Variants in TRPC4AP observed in about 807,000 individuals in gnomAD.
TRPC4AP encodes the protein transient receptor potential cation channel subfamily C member 4 associated protein, also known as short transient receptor potential channel 4-associated protein.
Under a neutral mutation model 99.0 loss-of-function variants are expected in TRPC4AP, and 45 were observed. The observed-to-expected ratio is 0.45, with a 90% CI of 0.36 to 0.58. TRPC4AP has a LOEUF of 0.58. TRPC4AP is among the 20% of genes least tolerant of loss of function. The pLI is 0.00. For missense variants in TRPC4AP, 879 were observed against 985.3 expected, an observed-to-expected ratio of 0.89 and a Z score of 1.44; for synonymous variants, 408 against 385.8, an observed-to-expected ratio of 1.06 and a Z score of -0.67.
intron 7 of TRPC4AP, among the ~76,000 whole-genome samples, chr20:35,036,667 C>T (rs1263972186): frequency 6.6e-6 from 1 of 152,128 alleles, no homozygotes; most frequent in East Asian, 1.9e-4. Flanking sequence ...GACAAGCTGG[C>T]CAGGCACGGT....
intron 1 of TRPC4AP, among the ~76,000 whole-genome samples, chr20:35,090,108 A>G (rs1203317608): frequency 1.3e-5 from 2 of 151,976 alleles, no homozygotes; most frequent in African/African-American, 4.8e-5. Flanking sequence ...TCTCAAAAAA[A>G]AAAAAGGGTA....
At chr20:35,064,346 A>C (rs964326369) in intron 3 of TRPC4AP, among the ~76,000 whole-genome samples, 1 of 152,268 alleles carries the variant, frequency 6.6e-6, no homozygotes, top group African/African-American at 2.4e-5. Context: ...AAAAGCCAGC[A>C]GGCAAATCTT....
At chr20:35,010,876 G>A (rs1266003937) in intron 11 of TRPC4AP, among the ~76,000 whole-genome samples, 1 of 152,196 alleles carries the variant, frequency 6.6e-6, no homozygotes, top group Non-Finnish European at 1.5e-5. Context: ...CACTTCCACA[G>A]CTTCCCACTG....
At chr20:35,049,256 GTT>G (rs78434747) in intron 6 of TRPC4AP, among the ~76,000 whole-genome samples, 2 of 139,986 alleles carry the variant, frequency 1.4e-5, no homozygotes, top group Non-Finnish European at 3.1e-5. Flanking sequence ...GATCATAGCT[GTT>G]TTTTTTTTTT....
intron 6 of TRPC4AP, among the ~76,000 whole-genome samples, chr20:35,048,713 T>A (rs2083619508): frequency 6.6e-6 from 1 of 151,520 alleles, no homozygotes; most frequent in African/African-American, 2.4e-5. Context: ...TGAGAGGGAG[T>A]GAGAGGCAAG....
At chr20:35,009,157 C>T (rs1013497849) in intron 12 of TRPC4AP, among the ~76,000 whole-genome samples, 17 of 152,194 alleles carry the variant, frequency 1.1e-4, no homozygotes, top group Non-Finnish European at 1.8e-4. Flanking sequence ...GTGTCCACAA[C>T]TCCAAGCCTC....
intron 12 of TRPC4AP, among the ~76,000 whole-genome samples, chr20:35,009,212 T>C (rs1165876824): frequency 2.0e-5 from 3 of 152,132 alleles, no homozygotes; most frequent in Admixed American, 2.0e-4. Context: ...AGGAAATGAC[T>C]CTGGCCCCGT....
intron 1 of TRPC4AP, 96 bp downstream of exon 1, chr20:35,092,518 C>A: frequency 1.5e-6 from 2 of 1,356,342 alleles, no homozygotes; most frequent in Non-Finnish European, 1.9e-6. Context: ...AGGGCTTTGG[C>A]CCGTCCAGCG....
At position 35,010,575 on chromosome 20, in the gene TRPC4AP, A is replaced by T. The variant is rs1234922109; in HGVS notation, c.1410-287T>A. Reference sequence around the variant, plus strand: ...CAGCTCTGGGCCTTTCTCTTTGCCTACATTTCCACTTGTTTTCTCAAAGGC... The same window carrying T: ...CAGCTCTGGGCCTTTCTCTTTGCCTTCATTTCCACTTGTTTTCTCAAAGGC... On this transcript the variant is annotated intron_variant, in intron 11 of 18. Coordinates refer to ENST00000252015, the MANE Select transcript of TRPC4AP (RefSeq NM_015638.3). Among the ~76,000 whole-genome samples, 3 of 151,338 alleles carry T rather than the reference A, an allele frequency of 2.0e-5. No individual in the cohort carries two copies. In the East Asian group the frequency reaches 5.8e-4, roughly 29 times the overall value.
At position 35,054,992 on chromosome 20, in the gene TRPC4AP, T is replaced by C; in HGVS notation, c.512A>G (p.Tyr171Cys). 1 of 1,613,866 alleles carries C rather than the reference T, an allele frequency of 6.2e-7. No individual in the cohort carries two copies. The highest frequency in any genetic ancestry group is 2.2e-5 in the East Asian group (1 of 44,874). Residue 171 changes from tyrosine (Y) to cysteine (C), a missense_variant, in exon 5 of 19, where the codon TAT (tyrosine) becomes TGT (cysteine). This residue lies in a region of TRPC4AP where 603 missense variants were observed against 631.8 expected (regional missense o/e 0.95). Transcript: ENST00000252015. ...EMSKDCLSIL[Y>C]NTCVCTEGVT... Reference sequence around the variant, plus strand: ...GGTACTTACACAGACACAGGTATTATACAGGATACTCAAGCAGTCCTTGGA... The same window carrying C: ...GGTACTTACACAGACACAGGTATTACACAGGATACTCAAGCAGTCCTTGGA...
chr20:35,083,454 A>T (rs2084704383), intron 1 of TRPC4AP, among the ~76,000 whole-genome samples: 1 of 151,510 alleles, frequency 6.6e-6, no homozygotes, highest in African/African-American at 2.4e-5. Flanking sequence ...ACCAAAAAAA[A>T]AAAAATTAGC....
chr20:35,007,720 G>T, intron 13 of TRPC4AP, 80 bp from the exon 14 acceptor site: 1 of 1,434,922 alleles, frequency 7.0e-7, no homozygotes, highest in Non-Finnish European at 9.8e-7. Flanking sequence ...GTTGGGAGAT[G>T]TTTGTTGCCT....
intron 3 of TRPC4AP, among the ~76,000 whole-genome samples, chr20:35,063,310 G>A (rs1220748491): frequency 6.6e-6 from 1 of 152,112 alleles, no homozygotes; most frequent in Admixed American, 6.5e-5. Flanking sequence ...CCAGTCTCAG[G>A]TATTTCTTCA....
At chr20:35,078,307 G>C in intron 1 of TRPC4AP, 133 bp from the exon 2 acceptor site, 1 of 883,574 alleles carries the variant, frequency 1.1e-6, no homozygotes, top group Non-Finnish European at 1.7e-6. Context: ...ACTATAAAAA[G>C]CCTCTTTCTA....
At chr20:35,058,585 TA>T (rs1396049192) in intron 3 of TRPC4AP, among the ~76,000 whole-genome samples, 1 of 151,296 alleles carries the variant, frequency 6.6e-6, no homozygotes, top group African/African-American at 2.4e-5. Context: ...AGGGGAAGTA[TA>T]AAGTATCCAA....
intron 11 of TRPC4AP, among the ~76,000 whole-genome samples, chr20:35,012,565 G>A (rs909594078): frequency 3.3e-5 from 5 of 152,170 alleles, no homozygotes; most frequent in Non-Finnish European, 5.9e-5. Flanking sequence ...ATAAATGAGC[G>A]CAGAATGTCT....
At chr20:35,092,578 C>T in intron 1 of TRPC4AP, 36 bp downstream of exon 1, 3 of 695,452 alleles carry the variant, frequency 4.3e-6, no homozygotes, top group Non-Finnish European at 6.3e-6. Context: ...CCCGCCTGGT[C>T]CGCCCCGCCC....
Position 35,002,886 on chromosome 20 carries a change from G to A in TRPC4AP, c.*260C>T. Reference sequence around the variant, plus strand: ...GCTAAATGTCCTCTTACCTCTGGGTGGCCCTGGGCCCCAGGGTTCTGAAGG... The same window carrying A: ...GCTAAATGTCCTCTTACCTCTGGGTAGCCCTGGGCCCCAGGGTTCTGAAGG... On this transcript the variant is annotated 3_prime_UTR_variant, in exon 19 of 19. Transcript: ENST00000252015. The A allele has an allele frequency of 2.3e-6, 1 of 436,418 alleles. No homozygotes were observed. The allele number at this position is 436,418 out of a possible 1,614,324, so 27.0% of individuals were successfully genotyped here.
At chr20:35,043,248 T>C (rs1178813447) in intron 7 of TRPC4AP, among the ~76,000 whole-genome samples, 1 of 126,992 alleles carries the variant, frequency 7.9e-6, no homozygotes, top group Admixed American at 7.8e-5. Context: ...CAATGAATAA[T>C]TTTTTTTTTT....
Sources: allele counts gnomAD v4.1 joint callset (sites outside exome capture counted in the v4.1 genomes callset), GRCh38; gene constraint gnomAD v4.1.1; regional missense constraint gnomAD v4.1.1; transcripts MANE v1.5; gene names NCBI Gene and HGNC (gene_info 2026-07-23, HGNC 2026-07-21).